PRR5L: variants seen among roughly 807,000 people sequenced by gnomAD.
The protein encoded by PRR5L is proline rich 5 like, also known as proline-rich protein 5-like.
A neutral mutation model predicts 36.4 loss-of-function variants in PRR5L; 21 were observed. That is an observed-to-expected ratio of 0.58 (90% CI 0.41 to 0.83). The LOEUF (loss-of-function observed/expected upper bound fraction) is 0.83, where lower values mean the gene tolerates loss of function less well. Ranked by LOEUF, PRR5L falls within the 40% of genes least tolerant of loss-of-function variation. PRR5L has a pLI of 0.00. For synonymous variants in PRR5L, 188 were observed against 197.0 expected, an observed-to-expected ratio of 0.95 and a Z score of 0.38; for missense variants, 381 against 473.3, an observed-to-expected ratio of 0.80 and a Z score of 1.81.
intron 8 of PRR5L, among the ~76,000 whole-genome samples, chr11:36,458,151 C>T (rs182794055): frequency 1.3e-5 from 2 of 152,312 alleles, no homozygotes; most frequent in Admixed American, 6.5e-5. Flanking sequence ...CAAAGAGGGG[C>T]GCCAGTGTCA....
intron 1 of PRR5L, among the ~76,000 whole-genome samples, chr11:36,355,177 T>A (rs1285234933): frequency 6.6e-6 from 1 of 152,184 alleles, no homozygotes; most frequent in Admixed American, 6.5e-5. Context: ...TGATCCACTT[T>A]AAGGAAGGAT....
chr11:36,370,057 T>G (rs1857182850), intron 1 of PRR5L, among the ~76,000 whole-genome samples: 1 of 152,186 alleles, frequency 6.6e-6, no homozygotes, highest in South Asian at 2.1e-4. Flanking sequence ...CAGTGGTGAC[T>G]TCCCACTGTG....
intron 5 of PRR5L, among the ~76,000 whole-genome samples, chr11:36,432,795 T>C (rs949399340): frequency 4.6e-5 from 7 of 152,138 alleles, no homozygotes; most frequent in Non-Finnish European, 1.0e-4. Flanking sequence ...TTAGGTGTCA[T>C]GTCATCATCC....
At chr11:36,369,409 C>T (rs1158952994) in intron 1 of PRR5L, among the ~76,000 whole-genome samples, 1 of 151,978 alleles carries the variant, frequency 6.6e-6, no homozygotes, top group Non-Finnish European at 1.5e-5. Context: ...GTGTCAGGTG[C>T]CCAGTCCCAG....
intron 1 of PRR5L, among the ~76,000 whole-genome samples, chr11:36,313,406 C>T (rs1856523696): frequency 6.6e-6 from 1 of 152,142 alleles, no homozygotes; most frequent in Non-Finnish European, 1.5e-5. Flanking sequence ...ATTCGGGGCT[C>T]AAAGAGTTAT....
rs985017599 is a variant in PRR5L at position 36,462,889 on chromosome 11, CGTT to C, written c.*159_*161del. 2.5e-5 allele frequency: 17 copies of C among 684,524 alleles called. No individual in the cohort carries two copies. Among genetic ancestry groups the C allele is most frequent in the Non-Finnish European group, 3.5e-5 (16 of 452,186 alleles). The allele number at this position is 684,524 out of a possible 1,614,324, so 42.4% of individuals were successfully genotyped here. A position where few individuals can be genotyped will look rare whatever the true frequency, so the allele number is the denominator to read the frequency against. On this transcript the variant is annotated 3_prime_UTR_variant, in exon 9 of 9. Coordinates refer to ENST00000530639, the MANE Select transcript of PRR5L (RefSeq NM_001160167.2). The stretch of plus-strand genomic sequence containing the variant: ...TGGTCAAAATGACCTAAGGGGAAAC[CGTT>C]GTTGTAAACCTCTTTATTTTGGTGA...
intron 3 of PRR5L, among the ~76,000 whole-genome samples, chr11:36,417,472 G>GT (rs1264619043): frequency 2.0e-5 from 3 of 152,178 alleles, no homozygotes; most frequent in Non-Finnish European, 4.4e-5. Flanking sequence ...GGCTTTTGAT[G>GT]AAGGCTTCCC....
chr11:36,433,079 G>GA (rs778277881), intron 5 of PRR5L, among the ~76,000 whole-genome samples: 11 of 150,188 alleles, frequency 7.3e-5, no homozygotes, highest in African/African-American at 1.2e-4. Context: ...AAGACCTTTA[G>GA]AAAAAAAAAT....
chr11:36,360,429 C>T (rs967039668), intron 1 of PRR5L, among the ~76,000 whole-genome samples: 5 of 152,206 alleles, frequency 3.3e-5, no homozygotes, highest in South Asian at 2.1e-4. Flanking sequence ...AAAATGGGGA[C>T]GAGAGATGTC....
chr11:36,446,484 C>T (rs762506565), intron 7 of PRR5L, 44 bp downstream of exon 7: 14 of 1,604,546 alleles, frequency 8.7e-6, no homozygotes, highest in East Asian at 4.5e-5. Context: ...AGGGAGGGAG[C>T]GAGGGAAGAG....
intron 5 of PRR5L, among the ~76,000 whole-genome samples, chr11:36,437,090 G>C (rs1858620357): frequency 6.6e-6 from 1 of 152,164 alleles, no homozygotes; most frequent in South Asian, 2.1e-4. Flanking sequence ...AGTCTTACTA[G>C]TGAAGACTAG....
chr11:36,383,619 C>T (rs776162105), intron 1 of PRR5L, among the ~76,000 whole-genome samples: 4 of 152,096 alleles, frequency 2.6e-5, no homozygotes, highest in African/African-American at 4.8e-5. Flanking sequence ...ATCTTGTTCA[C>T]GTTCTCTGCT....
At position 36,452,135 on chromosome 11, in the gene PRR5L, T is replaced by C. The variant is rs12223309; in HGVS notation, c.712+800T>C. Among the ~76,000 whole-genome samples the C allele has an allele frequency of 2.6e-5, 4 of 152,306 alleles. No homozygotes were observed. The East Asian group carries it at 7.7e-4, about 29-fold the overall frequency. On this transcript the variant is annotated intron_variant, in intron 8 of 8. Coordinates refer to ENST00000530639, the MANE Select transcript of PRR5L (RefSeq NM_001160167.2). The stretch of plus-strand genomic sequence containing the variant: ...TATAAACGCTCAAAATGCAGAAATG[T>C]TTTATTCATTGTTCTGTCCCCAGGA...
rs767030698 is a variant in PRR5L, at chr11:36,401,284, A to G, written c.163A>G (p.Ser55Gly). The G allele has an allele frequency of 1.9e-6, 3 of 1,610,018 alleles. No individual in the cohort carries two copies. The Admixed American group carries it at 5.0e-5, about 27-fold the overall frequency. Reference sequence around the variant, plus strand: ...GCTGAGCTCCAGCTCAGCCTGGAACAGGTGAAGGAGGCTGCAGGATGTGGG... The same window carrying G: ...GCTGAGCTCCAGCTCAGCCTGGAACGGGTGAAGGAGGCTGCAGGATGTGGG... ...LQLSSSSAWNSVQTAVINVFK... is the reference protein window; with the variant it reads ...LQLSSSSAWNGVQTAVINVFK... The change falls in exon 2 of 9, where the codon AGC becomes GGC. Residue 55 changes from serine to glycine, a missense_variant and splice_region_variant. Ser to Gly is a moderately conservative substitution (Grantham distance 56). Transcript: ENST00000530639.
intron 1 of PRR5L, among the ~76,000 whole-genome samples, chr11:36,394,649 C>T (rs764878152): frequency 1.3e-5 from 2 of 152,146 alleles, no homozygotes; most frequent in Non-Finnish European, 2.9e-5. Context: ...CTCCATATCA[C>T]CTTCTTCTCT....
At chr11:36,318,831 G>A (rs1049607114) in intron 1 of PRR5L, among the ~76,000 whole-genome samples, 9 of 151,942 alleles carry the variant, frequency 5.9e-5, no homozygotes, top group Non-Finnish European at 1.2e-4. Flanking sequence ...AAATGGGAGG[G>A]AAAGGCCAAA....
chr11:36,409,596 G>T lies in PRR5L; in HGVS notation c.245+6218G>T, dbSNP rs562542967. On this transcript the variant is annotated intron_variant, in intron 3 of 8. Transcript: ENST00000530639. ...TGTAAGAGAGGGGGACCCACAGTAGGGGGGAAGAGCTGGGAGGGGACGGGA... is the reference window on the plus strand; with the variant it reads ...TGTAAGAGAGGGGGACCCACAGTAGTGGGGAAGAGCTGGGAGGGGACGGGA... 3.9e-5 allele frequency among the ~76,000 whole-genome samples: 6 copies of T among 152,308 alleles called. No homozygotes were observed. The East Asian group carries it at 1.2e-3, about 29-fold the overall frequency.
intron 1 of PRR5L, among the ~76,000 whole-genome samples, chr11:36,299,758 C>G (rs979844371): frequency 5.9e-5 from 9 of 152,072 alleles, no homozygotes; most frequent in African/African-American, 1.7e-4. Context: ...AAGCTTTAAC[C>G]CACTTCATTA....
intron 1 of PRR5L, among the ~76,000 whole-genome samples, chr11:36,332,492 T>A (rs78626990): frequency 0.096 from 14,620 of 152,208 alleles, 1,285 homozygotes; most frequent in African/African-American, 0.24. Flanking sequence ...TTAACCCTCC[T>A]TACCTAATTT....
Sources: gnomAD v4.1 joint callset for allele counts (sites outside exome capture counted in the v4.1 genomes callset) on GRCh38, gnomAD v4.1.1 for gene constraint, MANE v1.5 for transcripts, NCBI Gene and HGNC (gene_info 2026-07-23, HGNC 2026-07-21) for gene names.